The following MAPK10 variants were observed in gnomAD, a reference collection of about 807,000 sequenced individuals.
The protein encoded by MAPK10 is mitogen-activated protein kinase 10.
In MAPK10, 25 loss-of-function variants were observed where a neutral mutation model predicts 59.3. The ratio of observed to expected loss-of-function variants is 0.42; its 90% CI spans 0.31 to 0.59. The LOEUF is 0.59. Among genes scored for constraint, MAPK10 ranks in the 20% least tolerant of loss-of-function variants. MAPK10 has a pLI of 0.15. For missense variants in MAPK10, 351 were observed against 568.9 expected (o/e 0.62, Z 3.90); for synonymous variants, 190 against 200.5 (o/e 0.95, Z 0.44).
intron 1 of MAPK10, among the ~76,000 whole-genome samples, chr4:86,564,664 G>A (rs1404431903): frequency 2.6e-5 from 4 of 152,140 alleles, no homozygotes; most frequent in South Asian, 4.2e-4. Flanking sequence ...CACATATAGC[G>A]CCATGAGGAG....
intron 9 of MAPK10, among the ~76,000 whole-genome samples, chr4:86,070,507 CATTAGGTA>C: frequency 6.6e-6 from 1 of 151,070 alleles, no homozygotes; most frequent in African/African-American, 2.4e-5. Flanking sequence ...CGTCATCTAG[CATTAGGTA>C]TATCTCCCAA....
intron 2 of MAPK10, among the ~76,000 whole-genome samples, chr4:86,223,033 C>T (rs764681015): frequency 9.2e-5 from 14 of 152,212 alleles, no homozygotes; most frequent in Non-Finnish European, 1.6e-4. Flanking sequence ...ATCCCTGACA[C>T]TGTCAAGAAA....
At chr4:86,353,072 C>A (rs1007223445) in intron 2 of MAPK10, among the ~76,000 whole-genome samples, 1 of 152,122 alleles carries the variant, frequency 6.6e-6, no homozygotes, top group Non-Finnish European at 1.5e-5. Context: ...TTTCACTGTG[C>A]TTAATAGTCC....
chr4:86,081,497 A>G (rs1385734423), intron 9 of MAPK10: 1 of 151,956 alleles, frequency 6.6e-6, no homozygotes, highest in African/African-American at 2.4e-5. Flanking sequence ...CTACTAATCA[A>G]CAGAAAAAAA....
At chr4:86,028,884 G>GAT (rs2148912995) in intron 13 of MAPK10, 1 of 376,120 alleles carries the variant, frequency 2.7e-6, no homozygotes, top group South Asian at 2.3e-5. Flanking sequence ...ATGGTCAAAA[G>GAT]GGCATTATGG....
chr4:86,419,867 T>G (rs758860642), intron 1 of MAPK10, among the ~76,000 whole-genome samples: 68 of 152,242 alleles, frequency 4.5e-4, no homozygotes, highest in Non-Finnish European at 7.4e-4. Context: ...AAGAAAATAT[T>G]GAAAATAAAA....
intron 2 of MAPK10, among the ~76,000 whole-genome samples, chr4:86,208,551 A>T (rs536190007): frequency 1.3e-5 from 2 of 151,938 alleles, no homozygotes; most frequent in East Asian, 3.9e-4. Context: ...ACTTCATGCT[A>T]AAAACTCTCA....
intron 1 of MAPK10, among the ~76,000 whole-genome samples, chr4:86,398,730 T>A (rs1039745888): frequency 6.6e-6 from 1 of 152,140 alleles, no homozygotes; most frequent in African/African-American, 2.4e-5. Flanking sequence ...CAGCACCCAA[T>A]AGTTAGTTTT....
At chr4:86,108,258 G>T (rs1031617274) in intron 4 of MAPK10, among the ~76,000 whole-genome samples, 3 of 151,946 alleles carry the variant, frequency 2.0e-5, no homozygotes, top group African/African-American at 7.3e-5. Context: ...CATATGCAGA[G>T]TACATGAGTT....
At chr4:86,090,535 T>C (rs1366396670) in intron 9 of MAPK10, 1 of 152,076 alleles carries the variant, frequency 6.6e-6, no homozygotes, top group Non-Finnish European at 1.5e-5. Flanking sequence ...CATGCAGAAA[T>C]ATCAGGGAAA....
chr4:86,308,170 T>C (rs1483074636), intron 2 of MAPK10, among the ~76,000 whole-genome samples: 1 of 152,148 alleles, frequency 6.6e-6, no homozygotes, highest in Non-Finnish European at 1.5e-5. Context: ...TTGAACACAT[T>C]AAATTTCAGA....
chr4:86,337,197 A>G (rs1722008150), intron 2 of MAPK10, among the ~76,000 whole-genome samples: 1 of 152,186 alleles, frequency 6.6e-6, no homozygotes, highest in Non-Finnish European at 1.5e-5. Flanking sequence ...ATACAATAAA[A>G]TCTATTCTTG....
intron 2 of MAPK10, among the ~76,000 whole-genome samples, chr4:86,292,282 A>G (rs2095248517): frequency 1.3e-5 from 2 of 152,234 alleles, no homozygotes; most frequent in Non-Finnish European, 2.9e-5. Context: ...TTAAGAAAAT[A>G]TAATACTTCT....
chr4:86,585,214 C>T (rs1417992954), intron 1 of MAPK10, among the ~76,000 whole-genome samples: 2 of 152,100 alleles, frequency 1.3e-5, no homozygotes, highest in African/African-American at 4.8e-5. Context: ...TTATTTCCCC[C>T]TCCACACTCC....
At chr4:86,292,424 T>C (rs1161985744) in intron 2 of MAPK10, among the ~76,000 whole-genome samples, 1 of 152,154 alleles carries the variant, frequency 6.6e-6, no homozygotes, top group Non-Finnish European at 1.5e-5. Context: ...ACTGTATCCG[T>C]GGTATAGAAC....
chr4:86,281,266 A>G (rs955969806), intron 2 of MAPK10, among the ~76,000 whole-genome samples: 4 of 152,092 alleles, frequency 2.6e-5, no homozygotes, highest in African/African-American at 7.2e-5. Context: ...GCACTTTAGG[A>G]GGCAGGCAGA....
At chr4:86,160,085 C>A (rs558523771) in intron 3 of MAPK10, among the ~76,000 whole-genome samples, 1 of 151,856 alleles carries the variant, frequency 6.6e-6, no homozygotes, top group Non-Finnish European at 1.5e-5. Context: ...TTCTAAAATA[C>A]CATATGACAC....
chr4:86,283,126 T>C (rs2094877469), intron 2 of MAPK10, among the ~76,000 whole-genome samples: 1 of 152,230 alleles, frequency 6.6e-6, no homozygotes, highest in Admixed American at 6.5e-5. Context: ...GTTTTATTTC[T>C]AATTATATTT....
At chr4:86,416,979 C>T (rs1745935380) in intron 1 of MAPK10, among the ~76,000 whole-genome samples, 1 of 152,146 alleles carries the variant, frequency 6.6e-6, no homozygotes, top group Admixed American at 6.5e-5. Context: ...ACCTACACTG[C>T]CCACCCACTC....
Sources: gnomAD v4.1 joint callset for allele counts (sites outside exome capture counted in the v4.1 genomes callset) on GRCh38, gnomAD v4.1.1 for gene constraint, MANE v1.5 for transcripts, NCBI Gene and HGNC (gene_info 2026-07-23, HGNC 2026-07-21) for gene names.